The following C19orf47 variants were observed in gnomAD, a reference collection of about 807,000 sequenced individuals.
C19orf47 encodes uncharacterized protein C19orf47.
A neutral mutation model predicts 32.3 loss-of-function variants in C19orf47; 18 were observed. That is an observed-to-expected ratio of 0.56 (90% CI 0.39 to 0.83). The LOEUF (loss-of-function observed/expected upper bound fraction) is 0.83. Among genes scored for constraint, C19orf47 ranks in the 40% least tolerant of loss-of-function variants. The pLI is 0.00. For missense variants in C19orf47, 484 were observed against 531.6 expected (o/e 0.91, Z 0.88); for synonymous variants, 202 against 211.1 (o/e 0.96, Z 0.37).
At chr19:40,341,970 C>T (rs1348968824) in intron 1 of C19orf47, 80 bp from the exon 2 acceptor site, 2 of 1,533,150 alleles carry the variant, frequency 1.3e-6, no homozygotes, top group Non-Finnish European at 1.7e-6. Context: ...TGTCTGTCTG[C>T]ATGCCAGAGG....
downstream of C19orf47, among the ~76,000 whole-genome samples, chr19:40,315,646 G>A (rs2077656869): frequency 6.6e-6 from 1 of 152,080 alleles, no homozygotes; most frequent in African/African-American, 2.4e-5. Flanking sequence ...CAGGCATGGT[G>A]GCGCATGCCT....
the C19orf47 span, among the ~76,000 whole-genome samples, chr19:40,309,434 C>T: frequency 2.6e-5 from 4 of 152,152 alleles, no homozygotes; most frequent in East Asian, 1.9e-4. Flanking sequence ...GGTGATCTGC[C>T]GGCCTCAGCC....
Position 40,348,338 on chromosome 19 carries a change from C to T in C19orf47, c.-48G>A, listed in dbSNP as rs1041452799. The stretch of plus-strand genomic sequence containing the variant: ...CCGCGCCTCACCTGGCCCACCGGGC[C>T]CGCGCCCACTCGCGCCGCCCGCCCT... On this transcript the variant is annotated 5_prime_UTR_variant, in exon 1 of 9. Transcript: ENST00000683109. The T allele has an allele frequency of 2.9e-6, 4 of 1,373,286 alleles. No homozygotes were observed. The highest frequency in any genetic ancestry group is 3.8e-6 in the Non-Finnish European group (4 of 1,065,228). 85.1% of individuals were successfully genotyped at this position (1,373,286 alleles called of 1,614,324 possible).
At chr19:40,343,328 G>A (rs1298974387) in intron 1 of C19orf47, 1 of 152,226 alleles carries the variant, frequency 6.6e-6, no homozygotes, top group Non-Finnish European at 1.5e-5. Context: ...GTATAATGGA[G>A]TGGTCAAGAG....
rs781765898 is a variant in C19orf47 at position 40,324,085 on chromosome 19, G to C, written c.593-9C>G. 6.2e-7 allele frequency: 1 copy of C among 1,614,248 alleles called. No homozygotes were observed. Among genetic ancestry groups the C allele is most frequent in the South Asian group, 1.1e-5 (1 of 91,084 alleles). On this transcript the variant is annotated splice_polypyrimidine_tract_variant and intron_variant, in intron 7 of 8. Transcript: ENST00000683109. The stretch of plus-strand genomic sequence containing the variant: ...AGACGTCCTATGGAGACCTGGGAGG[G>C]AAGTGAAGCCATCAGGGAGAGGCCC...
At chr19:40,301,545 T>C in the C19orf47 span, among the ~76,000 whole-genome samples, 14 of 151,650 alleles carry the variant, frequency 9.2e-5, no homozygotes, top group South Asian at 2.1e-4. Flanking sequence ...TTTCGCCATG[T>C]TGGTCAGGCT....
intron 4 of C19orf47, chr19:40,335,036 A>AGGAGGGAGGGAG (rs564012353): frequency 2.5e-5 from 1 of 39,988 alleles, no homozygotes; most frequent in East Asian, 1.0e-3. Flanking sequence ...GAAGGAGGGA[A>AGGAGGGAGGGAG]GGAGGGAGGG....
rs745611374 is a variant in C19orf47, at chr19:40,324,022, G to A, written c.647C>T (p.Thr216Ile). Reference protein sequence around the residue: ...DRLGAETKADTTTGSKPTGVF... With the variant: ...DRLGAETKADITTGSKPTGVF... ...CCCACTCACTTTACTCCCTGTCGTG[G>A]TGTCTGCCTTGGTCTCGGCGCCGAG... is the stretch of plus-strand genomic sequence containing the variant. The change falls in exon 8 of 9, where the codon ACC (threonine) becomes ATC (isoleucine). Residue 216 changes from threonine (T) to isoleucine (I), a missense_variant. Transcript: ENST00000683109. The A allele has an allele frequency of 4.3e-6, 7 of 1,614,238 alleles. No individual in the cohort carries two copies. The highest frequency in any genetic ancestry group is 5.9e-6 in the Non-Finnish European group (7 of 1,180,032).
chr19:40,295,188 A>G, the C19orf47 span, among the ~76,000 whole-genome samples: 1 of 151,856 alleles, frequency 6.6e-6, no homozygotes, highest in African/African-American at 2.4e-5. Flanking sequence ...CGCCCAGCTA[A>G]TTTTTGTATT....
At chr19:40,313,930 CAA>C in the C19orf47 span, among the ~76,000 whole-genome samples, 4 of 128,582 alleles carry the variant, frequency 3.1e-5, no homozygotes, top group Admixed American at 8.1e-5. Flanking sequence ...GACTCTGTCT[CAA>C]AAAAAAAAAA....
At chr19:40,333,768 C>A in intron 5 of C19orf47, 83 bp downstream of exon 5, 1 of 1,128,408 alleles carries the variant, frequency 8.9e-7, no homozygotes. Flanking sequence ...AAATTACAGG[C>A]GGGGATGGGA....
chr19:40,313,270 G>A, the C19orf47 span, among the ~76,000 whole-genome samples: 1 of 152,158 alleles, frequency 6.6e-6, no homozygotes, highest in East Asian at 1.9e-4. Context: ...ATTTTGTACT[G>A]TTCCCATGAA....
the C19orf47 span, among the ~76,000 whole-genome samples, chr19:40,313,348 A>G: frequency 1.3e-5 from 2 of 152,130 alleles, no homozygotes; most frequent in Non-Finnish European, 2.9e-5. Context: ...TTTTCGAGAC[A>G]GGGGCTCACT....
At chr19:40,298,015 G>A in the C19orf47 span, among the ~76,000 whole-genome samples, 2 of 151,532 alleles carry the variant, frequency 1.3e-5, no homozygotes, top group Non-Finnish European at 2.9e-5. Context: ...ACTCCAGCTT[G>A]GGTGACAGAG....
chr19:40,324,003 C>G lies in C19orf47; in HGVS notation c.663+3G>C. ...CCAGAATCGCTCCCCCATCCCCACT[C>G]ACTTTACTCCCTGTCGTGGTGTCTG... On this transcript the variant is annotated splice_donor_region_variant and intron_variant, in intron 8 of 8. Transcript: ENST00000683109. 1.9e-6 allele frequency: 3 copies of G among 1,614,262 alleles called. No homozygotes were observed. The highest frequency in any genetic ancestry group is 2.5e-6 in the Non-Finnish European group (3 of 1,180,042).
chr19:40,295,852 T>G, the C19orf47 span, among the ~76,000 whole-genome samples: 2 of 152,146 alleles, frequency 1.3e-5, no homozygotes, highest in Admixed American at 6.5e-5. Context: ...ACTCAAGTGA[T>G]CCTCCCACCT....
intron 5 of C19orf47, among the ~76,000 whole-genome samples, chr19:40,330,291 C>T (rs951017077): frequency 2.6e-5 from 4 of 151,196 alleles, no homozygotes; most frequent in African/African-American, 7.3e-5. Flanking sequence ...TGCAGTGGCG[C>T]GATCTTGACT....
Position 40,321,284 on chromosome 19 carries a change from C to G in C19orf47, c.*598G>C. 2.0e-6 allele frequency: 2 copies of G among 986,548 alleles called. No individual in the cohort carries two copies. The highest frequency in any genetic ancestry group is 2.4e-6 in the Non-Finnish European group (2 of 830,188). 61.1% of individuals were successfully genotyped at this position (986,548 alleles called of 1,614,324 possible). A position where few individuals can be genotyped will look rare whatever the true frequency, so the allele number is the denominator to read the frequency against. Reference sequence around the variant, plus strand: ...GTCTCAACAGGCTCGACGCCACCGCCGACGAGGGGGCCGCTGGGAGGCCGG... The same window carrying G: ...GTCTCAACAGGCTCGACGCCACCGCGGACGAGGGGGCCGCTGGGAGGCCGG... On this transcript the variant is annotated 3_prime_UTR_variant, in exon 9 of 9. Transcript: ENST00000683109.
the C19orf47 span, among the ~76,000 whole-genome samples, chr19:40,297,929 C>T: frequency 2.0e-5 from 3 of 149,984 alleles, no homozygotes; most frequent in African/African-American, 7.4e-5. Flanking sequence ...CCCAGCTACT[C>T]GGGAGGCTGA....
Sources: allele counts gnomAD v4.1 joint callset (sites outside exome capture counted in the v4.1 genomes callset), GRCh38; gene constraint gnomAD v4.1.1; transcripts MANE v1.5; gene names NCBI Gene and HGNC (gene_info 2026-07-23, HGNC 2026-07-21).